The following CDK14 variants were observed in gnomAD, a reference collection of about 807,000 sequenced individuals.
CDK14 encodes the protein cyclin-dependent kinase 14.
CDK14 carries 34 observed loss-of-function variants against 60.7 expected under a neutral mutation model. The ratio of observed to expected loss-of-function variants is 0.56; its 90% confidence interval spans 0.43 to 0.75. The LOEUF is 0.75. Ranked by LOEUF, CDK14 falls within the 30% of genes least tolerant of loss-of-function variation. CDK14 has a pLI of 0.00. For synonymous variants in CDK14, 197 were observed against 203.7 expected, an observed-to-expected ratio of 0.97 and a Z score of 0.28; for missense variants, 482 against 564.1, an observed-to-expected ratio of 0.85 and a Z score of 1.47.
At chr7:91,049,573 T>C (rs1797333073) in intron 11 of CDK14, among the ~76,000 whole-genome samples, 1 of 152,216 alleles carries the variant, frequency 6.6e-6, no homozygotes, top group South Asian at 2.1e-4. Context: ...CAAATTCATA[T>C]ATGTGTATCT....
chr7:91,134,490 A>G (rs1800211866), intron 14 of CDK14, among the ~76,000 whole-genome samples: 1 of 152,168 alleles, frequency 6.6e-6, no homozygotes, highest in Admixed American at 6.6e-5. Flanking sequence ...TAAGGGGTAG[A>G]AAGACTGGGA....
chr7:90,720,346 G>A (rs1802402764), intron 2 of CDK14, among the ~76,000 whole-genome samples: 1 of 152,096 alleles, frequency 6.6e-6, no homozygotes, highest in Admixed American at 6.6e-5. Flanking sequence ...TCAGGCTGAG[G>A]GCGGTAAGAA....
At chr7:90,908,177 G>T (rs1792773461) in intron 7 of CDK14, among the ~76,000 whole-genome samples, 1 of 152,038 alleles carries the variant, frequency 6.6e-6, no homozygotes, top group Non-Finnish European at 1.5e-5. Flanking sequence ...GAAAGTGGAA[G>T]ACTAATGATA....
intron 5 of CDK14, among the ~76,000 whole-genome samples, chr7:90,830,999 A>G (rs890049082): frequency 1.3e-5 from 2 of 152,164 alleles, no homozygotes; most frequent in African/African-American, 4.8e-5. Flanking sequence ...CCATTCAACA[A>G]GTCTTTAGGA....
chr7:90,763,774 C>G (rs1195643386), intron 4 of CDK14, among the ~76,000 whole-genome samples: 1 of 152,028 alleles, frequency 6.6e-6, no homozygotes, highest in East Asian at 1.9e-4. Context: ...TGTAACAAAC[C>G]TGCATGTTGT....
rs1387413271 is a variant in CDK14 at position 91,091,494 on chromosome 7, A to ATTT, written c.1154+12015_1154+12016insTTT. Among the ~76,000 whole-genome samples, 10 of 52,232 alleles carry ATTT rather than the reference A, an allele frequency of 1.9e-4. No individual in the cohort carries two copies. The East Asian group carries it at 8.3e-3, about 44-fold the overall frequency. The allele number at this position is 52,232 out of a possible 152,430, so 34.3% of individuals were successfully genotyped here. A position where few individuals can be genotyped will look rare whatever the true frequency, so the allele number is the denominator to read the frequency against. On this transcript the variant is annotated intron_variant, in intron 12 of 14. Coordinates refer to ENST00000380050, the MANE Select transcript of CDK14 (RefSeq NM_001287135.2). ...ATATACATATATGTATATGTAGTTT[A>ATTT]TATATTTTATATATATATATATAAA...
At chr7:90,961,501 C>T (rs935576903) in intron 9 of CDK14, among the ~76,000 whole-genome samples, 13 of 152,098 alleles carry the variant, frequency 8.5e-5, no homozygotes, top group African/African-American at 2.7e-4. Context: ...TCATTTTAAA[C>T]CAAAGGATAG....
rs1563058726 is a variant in CDK14 at position 90,726,596 on chromosome 7, C to CTAGT, written c.154_155insAGTT (p.Cys52Ter). The stretch of plus-strand genomic sequence containing the variant: ...GTGTCACAAAGATGTCTACACGGAA[C>CTAGT]TGCCAGGGAATGGACTCAGTGATCA... On this transcript the variant is annotated stop_gained and frameshift_variant, in exon 3 of 15. Transcript: ENST00000380050. LOFTEE classifies it high-confidence loss of function. 6.2e-7 allele frequency: 1 copy of CTAGT among 1,613,560 alleles called. No individual in the cohort carries two copies. Among genetic ancestry groups the CTAGT allele is most frequent in the East Asian group, 2.2e-5 (1 of 44,870 alleles).
chr7:90,847,834 A>G (rs181604300), intron 5 of CDK14, among the ~76,000 whole-genome samples: 3 of 152,284 alleles, frequency 2.0e-5, no homozygotes, highest in Admixed American at 2.0e-4. Context: ...CTGTTTCTTA[A>G]AAGATAAATT....
intron 5 of CDK14, among the ~76,000 whole-genome samples, chr7:90,808,992 A>C (rs1053179375): frequency 1.3e-5 from 2 of 152,174 alleles, no homozygotes; most frequent in Non-Finnish European, 2.9e-5. Context: ...AGACCTACGA[A>C]GAGACTTAGA....
At chr7:91,173,694 C>T (rs555021140) in intron 14 of CDK14, among the ~76,000 whole-genome samples, 21 of 152,260 alleles carry the variant, frequency 1.4e-4, no homozygotes, top group African/African-American at 2.4e-4. Flanking sequence ...AAAGGGGTGA[C>T]GGACGGCACC....
chr7:90,798,048 C>A (rs1192200713), intron 5 of CDK14, among the ~76,000 whole-genome samples: 1 of 151,990 alleles, frequency 6.6e-6, no homozygotes, highest in Non-Finnish European at 1.5e-5. Flanking sequence ...CCCAAAGAAT[C>A]TTTAAACTCA....
At chr7:90,813,809 TA>T (rs762138082) in intron 5 of CDK14, among the ~76,000 whole-genome samples, 1 of 152,180 alleles carries the variant, frequency 6.6e-6, no homozygotes, top group Non-Finnish European at 1.5e-5. Flanking sequence ...CCGAAGAATG[TA>T]AAACAAACAA....
At chr7:90,960,131 A>C (rs1030423601) in intron 9 of CDK14, among the ~76,000 whole-genome samples, 8 of 152,114 alleles carry the variant, frequency 5.3e-5, no homozygotes, top group African/African-American at 1.9e-4. Flanking sequence ...CATTGTTCCA[A>C]ATAAGCTTTA....
At chr7:90,952,575 C>G (rs1794295004) in intron 8 of CDK14, among the ~76,000 whole-genome samples, 2 of 152,100 alleles carry the variant, frequency 1.3e-5, no homozygotes, top group East Asian at 3.9e-4. Flanking sequence ...TTTAGGTGCC[C>G]ATCGGAATTG....
chr7:90,808,368 C>T (rs1788945438), intron 5 of CDK14, among the ~76,000 whole-genome samples: 1 of 152,104 alleles, frequency 6.6e-6, no homozygotes, highest in Non-Finnish European at 1.5e-5. Context: ...ACAAACTAAG[C>T]TTCATAAGTA....
chr7:90,899,994 A>T (rs1792452902), intron 7 of CDK14, among the ~76,000 whole-genome samples: 1 of 152,184 alleles, frequency 6.6e-6, no homozygotes, highest in Admixed American at 6.6e-5. Context: ...TGTAACTCAA[A>T]TGACTACATT....
At chr7:91,006,727 C>T (rs1343383128) in intron 10 of CDK14, among the ~76,000 whole-genome samples, 1 of 152,224 alleles carries the variant, frequency 6.6e-6, no homozygotes, top group East Asian at 1.9e-4. Flanking sequence ...TATGCCCATG[C>T]AATCATTCAC....
chr7:91,058,443 G>C (rs1270431825), intron 11 of CDK14, among the ~76,000 whole-genome samples: 1 of 152,118 alleles, frequency 6.6e-6, no homozygotes, highest in Non-Finnish European at 1.5e-5. Context: ...CCAACACTAT[G>C]TTGAATAGGA....
Sources: gnomAD v4.1 joint callset for allele counts (sites outside exome capture counted in the v4.1 genomes callset) on GRCh38, gnomAD v4.1.1 for gene constraint, MANE v1.5 for transcripts, NCBI Gene and HGNC (gene_info 2026-07-23, HGNC 2026-07-21) for gene names.